RAD51B: variants seen among roughly 807,000 people sequenced by gnomAD.
The protein encoded by RAD51B is RAD51 paralog B.
In RAD51B, 38 loss-of-function variants were observed where a neutral mutation model predicts 42.2. That is an observed-to-expected ratio of 0.90 (90% CI 0.70 to 1.18). The LOEUF (loss-of-function observed/expected upper bound fraction) is 1.18, where lower values mean the gene tolerates loss of function less well. Ranked by LOEUF, RAD51B falls within the 50% of genes most tolerant of loss-of-function variation. RAD51B has a pLI of 0.00. For synonymous variants in RAD51B, 154 were observed against 145.2 expected, an observed-to-expected ratio of 1.06 and a Z score of -0.43; for missense variants, 373 against 400.7, an observed-to-expected ratio of 0.93 and a Z score of 0.59.
chr14:68,670,810 A>G lies in RAD51B; in HGVS notation c.*11+19954A>G, dbSNP rs572243801. 6.6e-5 allele frequency among the ~76,000 whole-genome samples: 10 copies of G among 152,252 alleles called. No homozygotes were observed. In the East Asian group the frequency reaches 1.9e-3, roughly 29 times the overall value. ...TTGAAGATAGAGACACAAATATCTCATTTCAGTACCAAAGACCCTTTCTTT... is the reference window on the plus strand; with the variant it reads ...TTGAAGATAGAGACACAAATATCTCGTTTCAGTACCAAAGACCCTTTCTTT... On this transcript the variant is annotated intron_variant, in intron 11 of 11. Transcript: ENST00000488612.
At chr14:68,411,591 G>A in intron 9 of RAD51B, 64 bp downstream of exon 9, 1 of 1,478,524 alleles carries the variant, frequency 6.8e-7, no homozygotes, top group Admixed American at 1.7e-5. Flanking sequence ...CAAGCAATCT[G>A]AGCGTCTTCT....
chr14:68,366,880 C>G (rs1441085333), intron 8 of RAD51B, among the ~76,000 whole-genome samples: 1 of 152,224 alleles, frequency 6.6e-6, no homozygotes. Context: ...AACAAAAATT[C>G]AGAGCTCTGA....
At chr14:68,289,407 C>T (rs1227501631) in intron 7 of RAD51B, among the ~76,000 whole-genome samples, 1 of 152,102 alleles carries the variant, frequency 6.6e-6, no homozygotes, top group Non-Finnish European at 1.5e-5. Context: ...CTTCAAAGCT[C>T]ATACCCTATA....
intron 7 of RAD51B, among the ~76,000 whole-genome samples, chr14:68,061,634 G>GTATTT (rs910659188): frequency 2.0e-5 from 3 of 151,586 alleles, no homozygotes; most frequent in African/African-American, 7.3e-5. Flanking sequence ...TTATTCCTAG[G>GTATTT]TATTTTATTT....
At chr14:68,408,389 C>T (rs1296441720) in intron 8 of RAD51B, among the ~76,000 whole-genome samples, 1 of 152,150 alleles carries the variant, frequency 6.6e-6, no homozygotes, top group East Asian at 1.9e-4. Flanking sequence ...ACTGAATTTG[C>T]AGTGCTAAAA....
At chr14:68,094,584 G>A (rs1445741816) in intron 7 of RAD51B, among the ~76,000 whole-genome samples, 2 of 152,140 alleles carry the variant, frequency 1.3e-5, no homozygotes, top group Non-Finnish European at 1.5e-5. Context: ...TTAAGTTTTT[G>A]CTTATGAAGG....
At chr14:68,117,558 A>G (rs1023140601) in intron 7 of RAD51B, among the ~76,000 whole-genome samples, 2 of 152,232 alleles carry the variant, frequency 1.3e-5, no homozygotes, top group Non-Finnish European at 2.9e-5. Flanking sequence ...TCTGCTAAAA[A>G]GTAATAAATT....
At chr14:68,030,553 G>GT (rs2076025624) in intron 7 of RAD51B, among the ~76,000 whole-genome samples, 1 of 152,196 alleles carries the variant, frequency 6.6e-6, no homozygotes, top group Non-Finnish European at 1.5e-5. Flanking sequence ...ATTGAAGACA[G>GT]TTATGGACTT....
intron 8 of RAD51B, among the ~76,000 whole-genome samples, chr14:68,326,861 G>A (rs1368548331): frequency 6.6e-6 from 1 of 152,202 alleles, no homozygotes; most frequent in African/African-American, 2.4e-5. Flanking sequence ...GAACAGGCTG[G>A]TTTCTGGAAG....
chr14:68,157,626 T>C (rs547486931), intron 7 of RAD51B, among the ~76,000 whole-genome samples: 1 of 152,336 alleles, frequency 6.6e-6, no homozygotes, highest in Admixed American at 6.5e-5. Context: ...CAGTTCACTG[T>C]CCTTTCTATT....
At chr14:68,439,065 C>T (rs1214638075) in intron 9 of RAD51B, among the ~76,000 whole-genome samples, 1 of 152,022 alleles carries the variant, frequency 6.6e-6, no homozygotes, top group Non-Finnish European at 1.5e-5. Context: ...TTACAATTTG[C>T]ATTTCCCAGT....
intron 7 of RAD51B, among the ~76,000 whole-genome samples, chr14:67,924,186 C>A (rs1333665281): frequency 6.6e-6 from 1 of 152,118 alleles, no homozygotes; most frequent in Non-Finnish European, 1.5e-5. Flanking sequence ...GTTGTCTGTT[C>A]ACTCTGCTGA....
At chr14:67,825,870 C>T (rs933159264) in intron 3 of RAD51B, among the ~76,000 whole-genome samples, 1 of 152,108 alleles carries the variant, frequency 6.6e-6, no homozygotes, top group Non-Finnish European at 1.5e-5. Context: ...GCTGGGATTA[C>T]AGGCACGGTG....
At chr14:68,468,038 G>GTTT (rs74865050) in intron 9 of RAD51B, 134 bp from the exon 10 acceptor site, 8 of 589,150 alleles carry the variant, frequency 1.4e-5, no homozygotes, top group Non-Finnish European at 1.7e-5. Context: ...TTATAAAATG[G>GTTT]TTTTTTTTTT....
chr14:68,229,075 T>C (rs542950187), intron 7 of RAD51B, among the ~76,000 whole-genome samples: 84 of 152,364 alleles, frequency 5.5e-4, no homozygotes, highest in African/African-American at 8.2e-4. Flanking sequence ...ACAGCTGATA[T>C]TATCTTTTGC....
At chr14:68,455,495 A>G (rs896389434) in intron 9 of RAD51B, among the ~76,000 whole-genome samples, 10 of 152,136 alleles carry the variant, frequency 6.6e-5, no homozygotes, top group African/African-American at 2.4e-4. Context: ...AGACAGGTAG[A>G]TCACGAGGTA....
At chr14:68,224,514 T>G (rs2140970012) in intron 7 of RAD51B, among the ~76,000 whole-genome samples, 1 of 152,288 alleles carries the variant, frequency 6.6e-6, no homozygotes, top group African/African-American at 2.4e-5. Context: ...GAAAAGCCTT[T>G]CGGGTTCATA....
At chr14:68,247,056 G>T (rs1023970393) in intron 7 of RAD51B, among the ~76,000 whole-genome samples, 1 of 152,150 alleles carries the variant, frequency 6.6e-6, no homozygotes, top group Non-Finnish European at 1.5e-5. Context: ...CACACACTGA[G>T]AATCTCTTCA....
intron 11 of RAD51B, among the ~76,000 whole-genome samples, chr14:68,677,352 T>G (rs1344639274): frequency 6.6e-6 from 1 of 152,218 alleles, no homozygotes; most frequent in Middle Eastern, 3.2e-3. Context: ...ACCCTGCTAT[T>G]GCACTGCTGC....
Sources: gnomAD v4.1 joint callset for allele counts (sites outside exome capture counted in the v4.1 genomes callset) on GRCh38, gnomAD v4.1.1 for gene constraint, MANE v1.5 for transcripts, NCBI Gene and HGNC (gene_info 2026-07-23, HGNC 2026-07-21) for gene names.